The following SMCO2 variants were observed in gnomAD, a reference collection of about 807,000 sequenced individuals.
The protein encoded by SMCO2 is single-pass membrane protein with coiled-coil domains 2.
A neutral mutation model predicts 29.5 loss-of-function variants in SMCO2; 25 were observed. That is an observed-to-expected ratio of 0.85 (90% CI 0.62 to 1.18). SMCO2 has a LOEUF of 1.18. Among genes scored for constraint, SMCO2 ranks in the 50% most tolerant of loss-of-function variants. The pLI is 0.00. For synonymous variants in SMCO2, 117 were observed against 123.3 expected (o/e 0.95, Z 0.34); for missense variants, 348 against 344.5 (o/e 1.01, Z -0.08).
chr12:27,491,117 A>G (rs1243801754), intron 5 of SMCO2, among the ~76,000 whole-genome samples: 3 of 152,220 alleles, frequency 2.0e-5, no homozygotes, highest in Non-Finnish European at 4.4e-5. Context: ...AGGAGAAATT[A>G]GTTAATAAAA....
the SMCO2 span, among the ~76,000 whole-genome samples, chr12:27,434,622 A>G: frequency 2.6e-5 from 4 of 152,156 alleles, no homozygotes; most frequent in Non-Finnish European, 4.4e-5. Flanking sequence ...CTTTTTTATC[A>G]CTGGATTTAG....
At chr12:27,500,625 A>G (rs1943064316) in intron 7 of SMCO2, among the ~76,000 whole-genome samples, 1 of 150,828 alleles carries the variant, frequency 6.6e-6, no homozygotes, top group African/African-American at 2.5e-5. Context: ...TTTATTTACT[A>G]GATAGTTTTC....
intron 4 of SMCO2, among the ~76,000 whole-genome samples, chr12:27,487,002 T>G (rs1259394600): frequency 6.6e-6 from 1 of 152,224 alleles, no homozygotes; most frequent in Non-Finnish European, 1.5e-5. Flanking sequence ...CATTCCTGAA[T>G]GGTAGCATCT....
At chr12:27,462,774 A>G (rs756763707), upstream of SMCO2, among the ~76,000 whole-genome samples, 5 of 152,368 alleles carry the variant, frequency 3.3e-5, no homozygotes, top group Non-Finnish European at 4.4e-5. Flanking sequence ...AAACCCCTCC[A>G]GGGAAAGGTA....
At chr12:27,498,883 A>G (rs1469828759) in intron 7 of SMCO2, among the ~76,000 whole-genome samples, 2 of 150,594 alleles carry the variant, frequency 1.3e-5, no homozygotes, top group East Asian at 1.9e-4. Context: ...AATGAACCAC[A>G]GTGGGATACC....
intron 3 of SMCO2, among the ~76,000 whole-genome samples, chr12:27,473,853 G>T (rs449423): frequency 0.11 from 17,488 of 152,212 alleles, 1,940 homozygotes; most frequent in African/African-American, 0.27. Context: ...ATTTCATAAA[G>T]AGTTACTAAA....
rs1385748051 is a variant in SMCO2, at chr12:27,495,677, CA to C, written c.508-2del. On this transcript the variant is annotated splice_acceptor_variant, in intron 6 of 7. Coordinates refer to ENST00000298876, the Ensembl canonical transcript of SMCO2. LOFTEE classifies it high-confidence loss of function. ...AAGGTACTTGATTACTCTTTTTTTT[CA>C]GGACCTTTGCAAGAATGTGGAACTG... 1 of 1,448,846 alleles carries C rather than the reference CA, an allele frequency of 6.9e-7. No homozygotes were observed. Among genetic ancestry groups the C allele is most frequent in the Non-Finnish European group, 9.2e-7 (1 of 1,084,246 alleles). The allele number at this position is 1,448,846 out of a possible 1,614,324, so 89.7% of individuals were successfully genotyped here. A position where few individuals can be genotyped will look rare whatever the true frequency, so the allele number is the denominator to read the frequency against.
intron 4 of SMCO2, among the ~76,000 whole-genome samples, chr12:27,487,437 A>G (rs1949698089): frequency 6.6e-6 from 1 of 152,028 alleles, no homozygotes; most frequent in Non-Finnish European, 1.5e-5. Flanking sequence ...GTCTTCCATG[A>G]TATGAACCTA....
chr12:27,454,466 G>C, the SMCO2 span, among the ~76,000 whole-genome samples: 1 of 152,160 alleles, frequency 6.6e-6, no homozygotes, highest in Non-Finnish European at 1.5e-5. Flanking sequence ...GATAGGGTTG[G>C]AGTTTTAAAA....
At chr12:27,474,676 G>A in intron 3 of SMCO2, 110 bp from the exon 4 acceptor site, 1 of 1,249,752 alleles carries the variant, frequency 8.0e-7, no homozygotes, top group Non-Finnish European at 1.1e-6. Context: ...CAGTCTCAGA[G>A]AGGACTATGT....
chr12:27,464,242 G>A (rs1255212507), upstream of SMCO2, among the ~76,000 whole-genome samples: 1 of 152,184 alleles, frequency 6.6e-6, no homozygotes, highest in Non-Finnish European at 1.5e-5. Context: ...CACAGGAGTT[G>A]TTTGGCAGTG....
intron 4 of SMCO2, among the ~76,000 whole-genome samples, chr12:27,484,961 G>A (rs981916102): frequency 7.4e-5 from 11 of 149,362 alleles, no homozygotes; most frequent in East Asian, 3.9e-4. Context: ...GTTAAGTTGC[G>A]TTGTGCCTTA....
chr12:27,476,471 A>T, intron 4 of SMCO2, among the ~76,000 whole-genome samples: 1 of 151,726 alleles, frequency 6.6e-6, no homozygotes, highest in Admixed American at 6.6e-5. Context: ...AAAGTCCCCA[A>T]CTGTTATTGT....
chr12:27,464,359 G>T (rs927371019), upstream of SMCO2, among the ~76,000 whole-genome samples: 1 of 152,102 alleles, frequency 6.6e-6, no homozygotes, highest in Non-Finnish European at 1.5e-5. Context: ...GAGTGGGAAG[G>T]AGCTGAGGAA....
intron 3 of SMCO2, among the ~76,000 whole-genome samples, chr12:27,473,698 ATTGAC>A (rs1267835308): frequency 6.6e-6 from 1 of 152,152 alleles, no homozygotes; most frequent in African/African-American, 2.4e-5. Flanking sequence ...AGTTATTTCT[ATTGAC>A]TTGGCCAGTA....
At chr12:27,437,673 GGAAA>G in the SMCO2 span, among the ~76,000 whole-genome samples, 8 of 151,802 alleles carry the variant, frequency 5.3e-5, no homozygotes, top group Admixed American at 5.3e-4. Flanking sequence ...GTTCTTCAGG[GGAAA>G]GAATCTATGC....
At chr12:27,461,992 ATTTATC>A (rs1949462430), upstream of SMCO2, among the ~76,000 whole-genome samples, 2 of 152,318 alleles carry the variant, frequency 1.3e-5, no homozygotes, top group South Asian at 4.1e-4. Context: ...TATTGTTGTT[ATTTATC>A]TTTATCTAAA....
chr12:27,476,419 T>G (rs1206404468), intron 4 of SMCO2, among the ~76,000 whole-genome samples: 1 of 152,182 alleles, frequency 6.6e-6, no homozygotes, highest in Non-Finnish European at 1.5e-5. Flanking sequence ...CTTTGTTAAT[T>G]TTTTGCCTAG....
the SMCO2 span, among the ~76,000 whole-genome samples, chr12:27,427,901 G>C: frequency 3.9e-5 from 6 of 152,196 alleles, no homozygotes; most frequent in African/African-American, 1.4e-4. Flanking sequence ...GTGAGAGTTT[G>C]TTAAAGATAC....
Sources: allele counts gnomAD v4.1 joint callset (sites outside exome capture counted in the v4.1 genomes callset), GRCh38; gene constraint gnomAD v4.1.1; transcripts MANE v1.5; gene names NCBI Gene and HGNC (gene_info 2026-07-23, HGNC 2026-07-21).